STK39: variants seen among roughly 807,000 people sequenced by gnomAD.
STK39 encodes STE20/SPS1-related proline-alanine-rich protein kinase.
Under a neutral mutation model 77.8 loss-of-function variants are expected in STK39, and 20 were observed. The ratio of observed to expected loss-of-function variants is 0.26; its 90% CI spans 0.18 to 0.37. The LOEUF (loss-of-function observed/expected upper bound fraction) is 0.37, where lower values mean the gene tolerates loss of function less well. STK39 is among the 10% of genes least tolerant of loss of function. STK39 has a pLI of 1.00. For synonymous variants in STK39, 246 were observed against 234.1 expected (o/e 1.05, Z -0.47); for missense variants, 479 against 656.5 (o/e 0.73, Z 2.95).
chr2:168,045,496 A>G (rs979855331), intron 14 of STK39, among the ~76,000 whole-genome samples: 1 of 152,176 alleles, frequency 6.6e-6, no homozygotes, highest in Non-Finnish European at 1.5e-5. Flanking sequence ...TGGTTATTCA[A>G]TATTTTCTCT....
At chr2:168,137,303 T>G (rs1687864956) in intron 8 of STK39, among the ~76,000 whole-genome samples, 1 of 152,166 alleles carries the variant, frequency 6.6e-6, no homozygotes, top group Non-Finnish European at 1.5e-5. Flanking sequence ...AGGCCTCTCC[T>G]GGTCTATGCT....
intron 17 of STK39, among the ~76,000 whole-genome samples, chr2:167,959,626 A>G (rs776327789): frequency 8.5e-5 from 13 of 152,236 alleles, no homozygotes; most frequent in Non-Finnish European, 1.9e-4. Context: ...CTGTCAATGT[A>G]CACCCGTATA....
At chr2:168,049,771 G>A (rs1685346092) in intron 14 of STK39, among the ~76,000 whole-genome samples, 1 of 152,234 alleles carries the variant, frequency 6.6e-6, no homozygotes, top group African/African-American at 2.4e-5. Context: ...CTCCTTGCCT[G>A]TGCCCTGCAC....
intron 10 of STK39, among the ~76,000 whole-genome samples, chr2:168,100,073 T>A (rs1047490190): frequency 6.6e-6 from 1 of 152,114 alleles, no homozygotes; most frequent in African/African-American, 2.4e-5. Flanking sequence ...AATAAGTATC[T>A]CAAAAGTCAA....
chr2:167,998,305 T>C (rs1349177616), intron 16 of STK39, among the ~76,000 whole-genome samples: 1 of 152,230 alleles, frequency 6.6e-6, no homozygotes, highest in Non-Finnish European at 1.5e-5. Flanking sequence ...ATGCTCACTT[T>C]AATTTAGATA....
intron 10 of STK39, among the ~76,000 whole-genome samples, chr2:168,076,746 T>G (rs746560317): frequency 2.0e-5 from 3 of 152,198 alleles, no homozygotes; most frequent in Non-Finnish European, 4.4e-5. Context: ...AACTAATTTA[T>G]CTTTGAAATA....
intron 16 of STK39, among the ~76,000 whole-genome samples, chr2:167,994,966 G>A (rs1400386863): frequency 6.6e-6 from 1 of 151,948 alleles, no homozygotes; most frequent in Non-Finnish European, 1.5e-5. Flanking sequence ...AAGAGGAGTT[G>A]CAAAGATGAT....
chr2:168,126,168 G>GA lies in STK39; in HGVS notation c.1089+3372_1089+3373insT, dbSNP rs1559109671. On this transcript the variant is annotated intron_variant, in intron 10 of 17. Coordinates refer to ENST00000355999, the MANE Select transcript of STK39 (RefSeq NM_013233.3). Reference sequence around the variant, plus strand: ...ATCATTTAAACACTCATGTGTCAATGGACTGTCTGTTTCTCTTTGAAAAAC... The same window carrying GA: ...ATCATTTAAACACTCATGTGTCAATGAGACTGTCTGTTTCTCTTTGAAAAAC... Among the ~76,000 whole-genome samples the GA allele has an allele frequency of 1.1e-4, 16 of 152,228 alleles. 1 individual carries two copies. In the Middle Eastern group the frequency reaches 0.014, roughly 129 times the overall value.
chr2:168,109,340 G>T (rs1172618300), intron 10 of STK39, among the ~76,000 whole-genome samples: 2 of 152,090 alleles, frequency 1.3e-5, no homozygotes, highest in Non-Finnish European at 2.9e-5. Context: ...TACAAAAATA[G>T]TATCACTCTG....
At chr2:168,080,790 A>G (rs1400110846) in intron 10 of STK39, among the ~76,000 whole-genome samples, 1 of 152,170 alleles carries the variant, frequency 6.6e-6, no homozygotes, top group African/African-American at 2.4e-5. Context: ...TGTGCAGTTT[A>G]GGGACTTGGT....
intron 10 of STK39, among the ~76,000 whole-genome samples, chr2:168,098,869 G>C (rs1686743897): frequency 6.6e-6 from 1 of 152,194 alleles, no homozygotes; most frequent in East Asian, 1.9e-4. Flanking sequence ...CCGCCAATCT[G>C]GCGAAGCCTG....
At chr2:168,060,496 T>A (rs907450379) in intron 14 of STK39, among the ~76,000 whole-genome samples, 2 of 151,924 alleles carry the variant, frequency 1.3e-5, no homozygotes, top group Non-Finnish European at 2.9e-5. Flanking sequence ...CATGCTGACA[T>A]CCCGATCTCC....
At chr2:167,997,763 T>C (rs1683884698) in intron 16 of STK39, among the ~76,000 whole-genome samples, 1 of 152,186 alleles carries the variant, frequency 6.6e-6, no homozygotes, top group Non-Finnish European at 1.5e-5. Context: ...AAGAGACACA[T>C]AAAAACTGAT....
intron 5 of STK39, among the ~76,000 whole-genome samples, chr2:168,147,387 T>C (rs979748628): frequency 1.6e-4 from 24 of 152,198 alleles, no homozygotes; most frequent in African/African-American, 5.5e-4. Flanking sequence ...ACCACCAACG[T>C]TGGATGATTA....
At chr2:168,087,078 C>A (rs969520034) in intron 10 of STK39, among the ~76,000 whole-genome samples, 1 of 152,202 alleles carries the variant, frequency 6.6e-6, no homozygotes, top group African/African-American at 2.4e-5. Context: ...AACACTCTGT[C>A]CTGGTAAGAC....
chr2:168,155,870 A>G (rs12478804), intron 5 of STK39, among the ~76,000 whole-genome samples: 40,403 of 152,182 alleles, frequency 0.27, 6,401 homozygotes, highest in Non-Finnish European at 0.37. Flanking sequence ...CTTTGCCACC[A>G]ACAGGCACAT....
At chr2:168,229,425 C>T (rs1289541665) in intron 1 of STK39, among the ~76,000 whole-genome samples, 1 of 151,844 alleles carries the variant, frequency 6.6e-6, no homozygotes, top group Admixed American at 6.6e-5. Context: ...GTACATCTCC[C>T]TTCCTTCTAT....
intron 14 of STK39, among the ~76,000 whole-genome samples, chr2:168,031,241 A>G (rs968188596): frequency 2.6e-5 from 4 of 152,172 alleles, no homozygotes; most frequent in Non-Finnish European, 2.9e-5. Context: ...ACAGTATTTA[A>G]AGAGACGACA....
At chr2:168,004,331 G>C (rs1269534557) in intron 16 of STK39, among the ~76,000 whole-genome samples, 1 of 152,184 alleles carries the variant, frequency 6.6e-6, no homozygotes, top group Non-Finnish European at 1.5e-5. Flanking sequence ...AAAGACAGCA[G>C]AGAATCAAGT....
Sources: allele counts gnomAD v4.1 joint callset (sites outside exome capture counted in the v4.1 genomes callset), GRCh38; gene constraint gnomAD v4.1.1; transcripts MANE v1.5; gene names NCBI Gene and HGNC (gene_info 2026-07-23, HGNC 2026-07-21).